SVEP1: variants seen among roughly 807,000 people sequenced by gnomAD.
The protein encoded by SVEP1 is sushi, von Willebrand factor type A, EGF and pentraxin domain-containing protein 1.
In SVEP1, 164 loss-of-function variants were observed where a neutral mutation model predicts 367.3. That is an observed-to-expected ratio of 0.45 (90% CI 0.39 to 0.51). The LOEUF (loss-of-function observed/expected upper bound fraction) is 0.51, where lower values mean the gene tolerates loss of function less well. Ranked by LOEUF, SVEP1 falls within the 20% of genes least tolerant of loss-of-function variation. SVEP1 has a pLI of 0.00. For synonymous variants in SVEP1, 1,666 were observed against 1,611.6 expected (o/e 1.03, Z -0.81); for missense variants, 4,117 against 4,425.3 (o/e 0.93, Z 1.98).
intron 27 of SVEP1, among the ~76,000 whole-genome samples, chr9:110,439,246 T>G (rs75614392): frequency 0.055 from 8,386 of 152,050 alleles, 719 homozygotes; most frequent in East Asian, 0.39. Context: ...GAAAGCTTGC[T>G]CTCTCTCTCC....
At chr9:110,506,353 A>T (rs1267592529) in intron 5 of SVEP1, among the ~76,000 whole-genome samples, 1 of 152,262 alleles carries the variant, frequency 6.6e-6, no homozygotes, top group African/African-American at 2.4e-5. Context: ...AACAAAAGCC[A>T]AAATTGACAA....
At chr9:110,450,323 A>C in intron 23 of SVEP1, 63 bp from the exon 24 acceptor site, 7 of 1,499,356 alleles carry the variant, frequency 4.7e-6, no homozygotes, top group Non-Finnish European at 5.5e-6. Context: ...ACTGTAACTA[A>C]AGTGTTGACT....
At chr9:110,390,419 A>G (rs1296173506) in intron 40 of SVEP1, among the ~76,000 whole-genome samples, 3 of 138,590 alleles carry the variant, frequency 2.2e-5, no homozygotes, top group African/African-American at 8.5e-5. Context: ...TTATCCATTC[A>G]TCCATCGATG....
chr9:110,472,344 C>A, intron 14 of SVEP1, 21 bp from the exon 15 acceptor site: 1 of 1,541,638 alleles, frequency 6.5e-7, no homozygotes. Flanking sequence ...GGGGCAGAGA[C>A]ACAAATGATC....
chr9:110,389,597 A>G lies in SVEP1; in HGVS notation c.9823-10T>C. The G allele has an allele frequency of 6.2e-7, 1 of 1,613,478 alleles. No individual in the cohort carries two copies. Among genetic ancestry groups the G allele is most frequent in the Non-Finnish European group, 8.5e-7 (1 of 1,179,710 alleles). ...CACGTTCCCTGTTCCCCTGTGAAAC[A>G]ATGGAGAAAGGTCATCAAGATCATA... On this transcript the variant is annotated splice_polypyrimidine_tract_variant and intron_variant, in intron 40 of 47. Coordinates refer to ENST00000374469, the MANE Select transcript of SVEP1 (RefSeq NM_153366.4).
chr9:110,434,666 T>TAAAAACAAAAAAAA, intron 29 of SVEP1, among the ~76,000 whole-genome samples, 160 bp from the exon 30 acceptor site: 1 of 40,620 alleles, frequency 2.5e-5, no homozygotes, highest in Admixed American at 3.5e-4. Context: ...GCAAAATCAC[T>TAAAAACAAAAAAAA]AAAAAAAAAA....
intron 1 of SVEP1, among the ~76,000 whole-genome samples, chr9:110,578,376 TC>T (rs201759309): frequency 6.6e-6 from 1 of 151,898 alleles, no homozygotes; most frequent in Admixed American, 6.6e-5. Flanking sequence ...GGTTTTTTTT[TC>T]CTCTCCCTAC....
intron 47 of SVEP1, among the ~76,000 whole-genome samples, 193 bp from the exon 48 acceptor site, chr9:110,366,753 G>C (rs1045819665): frequency 2.0e-5 from 3 of 152,162 alleles, no homozygotes; most frequent in Non-Finnish European, 4.4e-5. Flanking sequence ...CTAACTTATG[G>C]AAAGATCTGA....
At chr9:110,451,463 T>G in intron 22 of SVEP1, 61 bp from the exon 23 acceptor site, 1 of 1,253,628 alleles carries the variant, frequency 8.0e-7, no homozygotes, top group Non-Finnish European at 1.1e-6. Context: ...AGACCAATAG[T>G]TTCCAAGCAA....
At chr9:110,555,812 C>T (rs1183567048) in intron 1 of SVEP1, among the ~76,000 whole-genome samples, 2 of 152,004 alleles carry the variant, frequency 1.3e-5, no homozygotes, top group Admixed American at 6.6e-5. Context: ...AATAATTTAC[C>T]CCTCGCCCCA....
chr9:110,407,143 T>A lies in SVEP1; in HGVS notation c.8457A>T (p.Lys2819Asn). The change falls in exon 38 of 48, where the codon AAA becomes AAT. Residue 2819 changes from lysine (K) to asparagine (N), a missense_variant. This residue lies in a region of SVEP1 where 1,765 missense variants were observed against 1,781.1 expected (regional missense o/e 0.99). Transcript: ENST00000374469. ...AAATGGGCTCATCCTCATCCCAGTT[T>A]TTGTCATCCTGGCATGTTCTCCTCT... ...GTERRTCQDD[K>N]NWDEDEPICI... 3 of 1,614,004 alleles carry A rather than the reference T, an allele frequency of 1.9e-6. No individual in the cohort carries two copies. The highest frequency in any genetic ancestry group is 2.5e-6 in the Non-Finnish European group (3 of 1,179,888).
chr9:110,574,414 T>A (rs1276239023), intron 1 of SVEP1, among the ~76,000 whole-genome samples: 1 of 152,210 alleles, frequency 6.6e-6, no homozygotes. Flanking sequence ...TAGGTCACAA[T>A]CAGTTATAAT....
intron 36 of SVEP1, among the ~76,000 whole-genome samples, chr9:110,423,297 T>C (rs1301676709): frequency 6.6e-6 from 1 of 151,974 alleles, no homozygotes; most frequent in Non-Finnish European, 1.5e-5. Context: ...TTCATGACTC[T>C]TGCTGGAAAA....
At chr9:110,560,379 C>T (rs753689941) in intron 1 of SVEP1, among the ~76,000 whole-genome samples, 3 of 152,154 alleles carry the variant, frequency 2.0e-5, no homozygotes, top group Admixed American at 6.5e-5. Flanking sequence ...CAATGCATGA[C>T]TGTACATCAA....
chr9:110,519,875 T>C (rs548191523), intron 3 of SVEP1, among the ~76,000 whole-genome samples: 4 of 152,266 alleles, frequency 2.6e-5, no homozygotes, highest in African/African-American at 9.6e-5. Flanking sequence ...ACTTTTTTTT[T>C]CTTTCACTAT....
chr9:110,510,114 G>A (rs543142281), intron 5 of SVEP1, among the ~76,000 whole-genome samples: 9 of 152,148 alleles, frequency 5.9e-5, no homozygotes, highest in Admixed American at 1.3e-4. Context: ...TCCATTCCAC[G>A]TCCTCACTGC....
In SVEP1 at chr9:110,411,601, C is replaced by T. The variant is rs774532778; in HGVS notation, c.6110G>A (p.Arg2037Gln). The T allele has an allele frequency of 3.7e-6, 6 of 1,613,666 alleles. No homozygotes were observed. In the South Asian group the frequency reaches 4.4e-5, roughly 12 times the overall value. The change falls in exon 37 of 48, where the codon CGG becomes CAG. Residue 2037 changes from arginine (R) to glutamine (Q), a missense_variant. By Grantham distance (43) the Arg-to-Gln change is conservative. Around this residue, in one of 4 missense-constraint regions of SVEP1, gnomAD observed 2,174 missense variants for 2,494.3 expected, o/e 0.87. Transcript: ENST00000374469. ...GTAGAATGCAATGTCTCCAAAGAGC[C>T]GATGGGCAGTCTCTGGAGAGGCGTG... is the stretch of plus-strand genomic sequence containing the variant. ...VDHASPETAH[R>Q]LFGDIAFYYC...
intron 40 of SVEP1, among the ~76,000 whole-genome samples, chr9:110,399,479 A>C (rs1588034002): frequency 6.6e-6 from 1 of 152,130 alleles, no homozygotes; most frequent in Non-Finnish European, 1.5e-5. Context: ...CCTAAAACTT[A>C]AAGTATAATA....
intron 40 of SVEP1, among the ~76,000 whole-genome samples, chr9:110,394,499 A>G (rs1026346786): frequency 6.6e-6 from 1 of 152,246 alleles, no homozygotes; most frequent in Non-Finnish European, 1.5e-5. Flanking sequence ...AAAGCTGGAC[A>G]GAGAATGACT....
Sources: allele counts gnomAD v4.1 joint callset (sites outside exome capture counted in the v4.1 genomes callset), GRCh38; gene constraint gnomAD v4.1.1; regional missense constraint gnomAD v4.1.1; transcripts MANE v1.5; gene names NCBI Gene and HGNC (gene_info 2026-07-23, HGNC 2026-07-21).